Variants in VPS13D observed in about 807,000 individuals in gnomAD.
The protein encoded by VPS13D is vacuolar protein sorting 13 homolog D, also known as intermembrane lipid transfer protein VPS13D.
VPS13D carries 187 observed loss-of-function variants against 461.9 expected under a neutral mutation model. That is an observed-to-expected ratio of 0.40 (90% CI 0.36 to 0.46). VPS13D has a LOEUF of 0.46. Ranked by LOEUF, VPS13D falls within the 20% of genes least tolerant of loss-of-function variation. The pLI is 0.60. For synonymous variants in VPS13D, 1,951 were observed against 1,986.3 expected (o/e 0.98, Z 0.47); for missense variants, 4,711 against 5,364.9 (o/e 0.88, Z 3.81).
intron 9 of VPS13D, among the ~76,000 whole-genome samples, 177 bp downstream of exon 9, chr1:12,257,264 A>G (rs1039651828): frequency 1.3e-5 from 2 of 152,148 alleles, no homozygotes; most frequent in Admixed American, 1.3e-4. Context: ...TTCTTTCTGT[A>G]TATTTATTTG....
At chr1:12,249,078 G>A (rs1640649698) in intron 5 of VPS13D, 145 bp from the exon 6 acceptor site, 1 of 594,366 alleles carries the variant, frequency 1.7e-6, no homozygotes, top group African/African-American at 1.9e-5. Flanking sequence ...GCCTGGTGTG[G>A]TTTCCTTTAG....
At position 12,268,756 on chromosome 1, in the gene VPS13D, G is replaced by A; in HGVS notation, c.1852G>A (p.Ala618Thr). ...TGAGATGCTGTATGAGAGAAATCCGGCGCACAGCCACTTTGAGAGGCGGCT... is the reference window on the plus strand; with the variant it reads ...TGAGATGCTGTATGAGAGAAATCCGACGCACAGCCACTTTGAGAGGCGGCT... The part of the protein sequence containing the change: ...VFEMLYERNP[A>T]HSHFERRLNV... The change falls in exon 16 of 70, where the codon GCG (alanine) becomes ACG (threonine). Residue 618 changes from alanine (A) to threonine (T), a missense_variant. Ala to Thr is a moderately conservative substitution (Grantham distance 58). Coordinates refer to ENST00000620676, the MANE Select transcript of VPS13D (RefSeq NM_015378.4). 2 of 1,614,032 alleles carry A rather than the reference G, an allele frequency of 1.2e-6. No individual in the cohort carries two copies. The highest frequency in any genetic ancestry group is 1.7e-6 in the Non-Finnish European group (2 of 1,179,986).
intron 27 of VPS13D, among the ~76,000 whole-genome samples, chr1:12,309,079 A>G (rs1642655672): frequency 6.6e-6 from 1 of 152,204 alleles, no homozygotes; most frequent in East Asian, 1.9e-4. Flanking sequence ...TTGAGTCCCT[A>G]CTATGTGCTG....
At chr1:12,357,965 T>C (rs1007158796) in intron 49 of VPS13D, among the ~76,000 whole-genome samples, 1 of 151,106 alleles carries the variant, frequency 6.6e-6, no homozygotes, top group East Asian at 2.0e-4. Context: ...GACTGTACCA[T>C]TGCACTCCAG....
rs372496241 is a variant in VPS13D at position 12,254,950 on chromosome 1, C to CTT, written c.669+1136_669+1137dup. Among the ~76,000 whole-genome samples, 883 of 142,188 alleles carry CTT rather than the reference C, an allele frequency of 6.2e-3. 11 individuals are homozygous for CTT. Among genetic ancestry groups the CTT allele is most frequent in the African/African-American group, 0.02 (794 of 38,922 alleles). The allele number at this position is 142,188 out of a possible 152,430, so 93.3% of individuals were successfully genotyped here. ...TACTATTGTACATGATGGCTTTCTT[C>CTT]TTTTTTTTTTTTTGAGACGGCATCT... On this transcript the variant is annotated intron_variant, in intron 7 of 69. Transcript: ENST00000620676.
chr1:12,452,155 C>T (rs1387636636), intron 65 of VPS13D, among the ~76,000 whole-genome samples: 1 of 152,204 alleles, frequency 6.6e-6, no homozygotes, highest in Non-Finnish European at 1.5e-5. Context: ...TCTAGCCTGC[C>T]GTACAAGTAG....
chr1:12,377,637 T>C (rs1049269362), intron 55 of VPS13D, among the ~76,000 whole-genome samples: 2 of 151,594 alleles, frequency 1.3e-5, no homozygotes, highest in Non-Finnish European at 2.9e-5. Flanking sequence ...CTGGCCAACA[T>C]GGCGAAACCC....
intron 31 of VPS13D, 28 bp downstream of exon 31, chr1:12,318,365 G>T (rs1161369647): frequency 6.3e-7 from 1 of 1,589,024 alleles, no homozygotes; most frequent in East Asian, 2.3e-5. Context: ...TGATTCATTG[G>T]TGCTTAGTTT....
At chr1:12,432,812 C>T (rs1345166776) in intron 65 of VPS13D, among the ~76,000 whole-genome samples, 1 of 152,000 alleles carries the variant, frequency 6.6e-6, no homozygotes, top group Non-Finnish European at 1.5e-5. Flanking sequence ...TCAGGCTGGT[C>T]TCTAACTCCT....
At chr1:12,497,411 T>A in intron 67 of VPS13D, 89 bp from the exon 68 acceptor site, 4 of 1,471,126 alleles carry the variant, frequency 2.7e-6, no homozygotes, top group Non-Finnish European at 2.8e-6. Flanking sequence ...ATGTCTCGTA[T>A]TACAGAGTGC....
chr1:12,257,443 C>T (rs1302615577), intron 9 of VPS13D, among the ~76,000 whole-genome samples: 1 of 152,146 alleles, frequency 6.6e-6, no homozygotes, highest in African/African-American at 2.4e-5. Context: ...GTTGTTTGGT[C>T]AACATTTACA....
intron 18 of VPS13D, among the ~76,000 whole-genome samples, chr1:12,274,221 A>T (rs1641540507): frequency 6.6e-6 from 1 of 152,134 alleles, no homozygotes; most frequent in African/African-American, 2.4e-5. Context: ...TTGTATCTTT[A>T]GTAGGGATGG....
At chr1:12,288,020 AT>A (rs1642021889) in intron 21 of VPS13D, among the ~76,000 whole-genome samples, 1 of 152,238 alleles carries the variant, frequency 6.6e-6, no homozygotes, top group Non-Finnish European at 1.5e-5. Flanking sequence ...AGAAACTGAA[AT>A]TTAGACTGTC....
chr1:12,344,227 G>A (rs1643628889), intron 42 of VPS13D, among the ~76,000 whole-genome samples: 1 of 152,206 alleles, frequency 6.6e-6, no homozygotes, highest in African/African-American at 2.4e-5. Flanking sequence ...TTTTCAAGCT[G>A]AGCTGAAATT....
Position 12,261,957 on chromosome 1 carries a change from A to G in VPS13D, c.1471A>G (p.Lys491Glu). The G allele has an allele frequency of 2.5e-6, 4 of 1,614,208 alleles. No homozygotes were observed. The highest frequency in any genetic ancestry group is 3.4e-6 in the Non-Finnish European group (4 of 1,180,026). ...ADASCMNTYT[K>E]RDHVFAKLNL... ...TGCCTCGTGTATGAACACGTATACA[A>G]AGCGAGATCATGTCTTTGCCAAACT... is the stretch of plus-strand genomic sequence containing the variant. Residue 491 changes from lysine to glutamate, a missense_variant, in exon 13 of 70, where the codon AAG becomes GAG. By Grantham distance (56) the Lys-to-Glu change is moderately conservative. Around this residue, in one of 3 missense-constraint regions of VPS13D, gnomAD observed 4,411 missense variants for 4,937.8 expected, o/e 0.89. Coordinates refer to ENST00000620676, the MANE Select transcript of VPS13D (RefSeq NM_015378.4).
chr1:12,381,217 C>T (rs1644267836), intron 57 of VPS13D, among the ~76,000 whole-genome samples: 1 of 152,334 alleles, frequency 6.6e-6, no homozygotes, highest in South Asian at 2.1e-4. Context: ...CATTTTCTGA[C>T]ACTGCTCTTA....
chr1:12,320,387 T>C (rs1328418547), intron 32 of VPS13D, among the ~76,000 whole-genome samples: 1 of 152,220 alleles, frequency 6.6e-6, no homozygotes, highest in East Asian at 1.9e-4. Context: ...GCCACACTGT[T>C]AGGATATTTG....
chr1:12,442,150 A>G (rs1645139001), intron 65 of VPS13D, among the ~76,000 whole-genome samples: 1 of 152,228 alleles, frequency 6.6e-6, no homozygotes. Flanking sequence ...GATCTCTAAA[A>G]CAACACTATC....
intron 47 of VPS13D, among the ~76,000 whole-genome samples, chr1:12,354,483 A>G (rs1391385817): frequency 6.6e-6 from 1 of 152,140 alleles, no homozygotes; most frequent in Non-Finnish European, 1.5e-5. Flanking sequence ...TCAGTGAGCT[A>G]TGTTCACGCT....
Sources: allele counts gnomAD v4.1 joint callset (sites outside exome capture counted in the v4.1 genomes callset), GRCh38; gene constraint gnomAD v4.1.1; regional missense constraint gnomAD v4.1.1; transcripts MANE v1.5; gene names NCBI Gene and HGNC (gene_info 2026-07-23, HGNC 2026-07-21).